The following DLC1 variants were observed in gnomAD, a reference collection of about 807,000 sequenced individuals.
DLC1 encodes the protein rho GTPase-activating protein 7.
DLC1 carries 54 observed loss-of-function variants against 140.3 expected under a neutral mutation model. The observed-to-expected ratio is 0.38, with a 90% CI of 0.31 to 0.48. The LOEUF is 0.48. Ranked by LOEUF, DLC1 falls within the 20% of genes least tolerant of loss-of-function variation. The pLI, the probability that DLC1 is intolerant of heterozygous loss-of-function variation, is 0.96. For synonymous variants in DLC1, 986 were observed against 728.1 expected, an observed-to-expected ratio of 1.35 and a Z score of -5.70; for missense variants, 2,536 against 1,907.0, an observed-to-expected ratio of 1.33 and a Z score of -6.14.
intron 4 of DLC1, among the ~76,000 whole-genome samples, chr8:13,360,748 A>C (rs1236261820): frequency 6.6e-6 from 1 of 152,206 alleles, no homozygotes; most frequent in Non-Finnish European, 1.5e-5. Flanking sequence ...AAATGTAGAA[A>C]ACAATGAAAA....
chr8:13,275,401 A>T (rs966314099), intron 5 of DLC1, among the ~76,000 whole-genome samples: 1 of 152,230 alleles, frequency 6.6e-6, no homozygotes, highest in African/African-American at 2.4e-5. Flanking sequence ...TATACGGAAA[A>T]CAACTGGATT....
At chr8:13,324,439 G>A (rs1327869998) in intron 4 of DLC1, among the ~76,000 whole-genome samples, 4 of 151,932 alleles carry the variant, frequency 2.6e-5, no homozygotes, top group African/African-American at 9.7e-5. Flanking sequence ...GTGGTGGCGG[G>A]CGCCTGTAGT....
At chr8:13,263,104 A>T (rs1317111127) in intron 5 of DLC1, among the ~76,000 whole-genome samples, 1 of 152,148 alleles carries the variant, frequency 6.6e-6, no homozygotes, top group African/African-American at 2.4e-5. Flanking sequence ...ATTTGGGGAA[A>T]GGATTGCTTT....
At chr8:13,453,421 T>C (rs1301405474) in intron 2 of DLC1, among the ~76,000 whole-genome samples, 1 of 40,662 alleles carries the variant, frequency 2.5e-5, no homozygotes. Flanking sequence ...TATATATATA[T>C]ATGTGTATAT....
At chr8:13,593,157 A>G (rs2117478614) in intron 1 of DLC1, among the ~76,000 whole-genome samples, 1 of 152,232 alleles carries the variant, frequency 6.6e-6, no homozygotes, top group East Asian at 1.9e-4. Context: ...AATAAGAGCC[A>G]TCACCCATTT....
chr8:13,587,321 C>T (rs1217526712), intron 1 of DLC1, among the ~76,000 whole-genome samples: 2 of 151,626 alleles, frequency 1.3e-5, no homozygotes, highest in Non-Finnish European at 2.9e-5. Context: ...AGATTAAAAA[C>T]AGCTGGAACA....
At chr8:13,138,465 C>A (rs994559364) in intron 5 of DLC1, among the ~76,000 whole-genome samples, 1 of 152,174 alleles carries the variant, frequency 6.6e-6, no homozygotes, top group Non-Finnish European at 1.5e-5. Flanking sequence ...TGATATGAGC[C>A]AGGCAATCTC....
chr8:13,318,309 C>T (rs1832939444), intron 4 of DLC1, among the ~76,000 whole-genome samples: 1 of 151,706 alleles, frequency 6.6e-6, no homozygotes, highest in African/African-American at 2.4e-5. Context: ...TCTGGGATTA[C>T]TGGCATGAGC....
At chr8:13,292,573 G>A (rs985623663) in intron 5 of DLC1, among the ~76,000 whole-genome samples, 7 of 152,080 alleles carry the variant, frequency 4.6e-5, no homozygotes, top group African/African-American at 1.2e-4. Flanking sequence ...ATAGATGGAC[G>A]CTATTGTGTT....
intron 4 of DLC1, among the ~76,000 whole-genome samples, chr8:13,347,529 A>G (rs191777648): frequency 2.0e-5 from 3 of 152,304 alleles, no homozygotes; most frequent in Non-Finnish European, 2.9e-5. Flanking sequence ...CCCATTCCAT[A>G]TAATGATCAT....
chr8:13,203,120 C>G (rs188141635), intron 5 of DLC1, among the ~76,000 whole-genome samples: 4 of 152,198 alleles, frequency 2.6e-5, no homozygotes, highest in Non-Finnish European at 2.9e-5. Flanking sequence ...CTTTACCTAT[C>G]TTTGTCTTGC....
intron 2 of DLC1, among the ~76,000 whole-genome samples, chr8:13,490,464 T>C (rs571437814): frequency 6.6e-6 from 1 of 152,314 alleles, no homozygotes; most frequent in Admixed American, 6.5e-5. Context: ...ATATTATTTG[T>C]AAGAACATGA....
intron 2 of DLC1, among the ~76,000 whole-genome samples, chr8:13,475,146 C>A (rs533264975): frequency 6.6e-6 from 1 of 152,124 alleles, no homozygotes; most frequent in African/African-American, 2.4e-5. Flanking sequence ...CCAAAGAGAT[C>A]AGATCATAAT....
intron 5 of DLC1, among the ~76,000 whole-genome samples, chr8:13,117,740 T>TA (rs1820684665): frequency 6.6e-6 from 1 of 152,242 alleles, no homozygotes; most frequent in African/African-American, 2.4e-5. Flanking sequence ...CCCGCCCTTT[T>TA]TTGACGATAG....
chr8:13,118,004 C>CTTTTTT (rs35775672), intron 5 of DLC1, among the ~76,000 whole-genome samples: 81 of 114,962 alleles, frequency 7.0e-4, no homozygotes, highest in African/African-American at 1.8e-3. Flanking sequence ...TGTTCTCTTT[C>CTTTTTT]TTTTTTTTTT....
chr8:13,520,430 T>G (rs1351656848), intron 1 of DLC1, among the ~76,000 whole-genome samples: 1 of 151,832 alleles, frequency 6.6e-6, no homozygotes, highest in Non-Finnish European at 1.5e-5. Flanking sequence ...CAGTGGGAAC[T>G]CACGGACACA....
intron 5 of DLC1, among the ~76,000 whole-genome samples, chr8:13,185,501 A>G (rs1172587091): frequency 1.3e-5 from 2 of 151,638 alleles, no homozygotes; most frequent in African/African-American, 4.8e-5. Flanking sequence ...TAGAGACAGG[A>G]TTTCACTGTG....
Position 13,576,469 on chromosome 8 carries a change from A to T in DLC1, c.-126+28068T>A, listed in dbSNP as rs182972439. ...TTTATAATGAGAATGTAAACATCGAAATATATAAAAAATGTAAACATAGAA... is the reference window on the plus strand; with the variant it reads ...TTTATAATGAGAATGTAAACATCGATATATATAAAAAATGTAAACATAGAA... On this transcript the variant is annotated intron_variant, in intron 1 of 1. Coordinates refer to the DLC1 transcript ENST00000631382. Among the ~76,000 whole-genome samples the T allele has an allele frequency of 2.6e-5, 4 of 152,332 alleles. No homozygotes were observed. The East Asian group carries it at 7.7e-4, about 29-fold the overall frequency.
At chr8:13,234,821 G>A (rs1055924663) in intron 5 of DLC1, among the ~76,000 whole-genome samples, 2 of 151,944 alleles carry the variant, frequency 1.3e-5, no homozygotes, top group Non-Finnish European at 2.9e-5. Flanking sequence ...ATGGGATCTT[G>A]GCAAAGAAAA....
Sources: allele counts gnomAD v4.1 joint callset (sites outside exome capture counted in the v4.1 genomes callset), GRCh38; gene constraint gnomAD v4.1.1; transcripts MANE v1.5; gene names NCBI Gene and HGNC (gene_info 2026-07-23, HGNC 2026-07-21).